FGF1: variants seen among roughly 807,000 people sequenced by gnomAD.
FGF1 encodes fibroblast growth factor 1, also known as beta-endothelial cell growth factor.
In FGF1, 9 loss-of-function variants were observed where a neutral mutation model predicts 13.4. The observed-to-expected ratio is 0.67, with a 90% confidence interval of 0.40 to 1.17. FGF1 has a LOEUF of 1.17. Ranked by LOEUF, FGF1 falls within the 50% of genes most tolerant of loss-of-function variation. FGF1 has a pLI of 0.01. For synonymous variants in FGF1, 93 were observed against 79.0 expected, an observed-to-expected ratio of 1.18 and a Z score of -0.94; for missense variants, 156 against 192.7, an observed-to-expected ratio of 0.81 and a Z score of 1.13.
chr5:142,668,098 G>A (rs1301408975), intron 1 of FGF1, among the ~76,000 whole-genome samples: 1 of 152,258 alleles, frequency 6.6e-6, no homozygotes, highest in Non-Finnish European at 1.5e-5. Flanking sequence ...GTTCAGTCCA[G>A]TGAGGGAGGG....
intron 1 of FGF1, among the ~76,000 whole-genome samples, chr5:142,683,551 G>A (rs1356038018): frequency 6.6e-6 from 1 of 152,100 alleles, no homozygotes; most frequent in East Asian, 1.9e-4. Context: ...ATTAGGCCAG[G>A]TGCAGTGGCT....
intron 1 of FGF1, among the ~76,000 whole-genome samples, chr5:142,626,576 C>T (rs961521697): frequency 1.2e-4 from 18 of 152,272 alleles, no homozygotes; most frequent in African/African-American, 4.3e-4. Flanking sequence ...TCTACCAGCC[C>T]CCGGAACGTG....
chr5:142,688,366 A>G (rs148129213), upstream of FGF1, among the ~76,000 whole-genome samples: 122 of 152,328 alleles, frequency 8.0e-4, 1 homozygote, highest in African/African-American at 2.6e-3. Flanking sequence ...GATTTTTCCC[A>G]GTCTGGAGAC....
intron 2 of FGF1, among the ~76,000 whole-genome samples, chr5:142,606,734 G>A (rs1240332065): frequency 6.6e-6 from 1 of 152,166 alleles, no homozygotes; most frequent in Non-Finnish European, 1.5e-5. Flanking sequence ...AGCTGCTTTG[G>A]GAAGGATAAG....
intron 2 of FGF1, among the ~76,000 whole-genome samples, chr5:142,694,139 G>A (rs1449111257): frequency 1.4e-5 from 2 of 142,242 alleles, no homozygotes; most frequent in East Asian, 4.1e-4. Flanking sequence ...ATCTATCTAT[G>A]TCTATCTGCC....
chr5:142,606,064 C>T (rs10042957), intron 2 of FGF1, among the ~76,000 whole-genome samples: 12,159 of 152,058 alleles, frequency 0.08, 825 homozygotes, highest in East Asian at 0.18. Flanking sequence ...TTACGCTCAG[C>T]GCCAGCCATG....
Position 142,676,196 on chromosome 5 carries a change from G to T in FGF1, c.-35+9761C>A, listed in dbSNP as rs543607839. Among the ~76,000 whole-genome samples the T allele has an allele frequency of 5.9e-5, 9 of 152,200 alleles. No homozygotes were observed. The South Asian group carries it at 1.9e-3, about 32-fold the overall frequency. ...CCTGCATGTCCTAGTACCATTTTTT[G>T]AATTCAAGTACATTCTCATGAAGAC... On this transcript the variant is annotated intron_variant, in intron 1 of 3. Transcript: ENST00000337706.
intron 1 of FGF1, among the ~76,000 whole-genome samples, chr5:142,676,831 C>T (rs1772705194): frequency 6.6e-6 from 1 of 152,126 alleles, no homozygotes; most frequent in Admixed American, 6.5e-5. Context: ...AAATAACTCT[C>T]AATTGAAAGA....
chr5:142,689,050 A>C (rs537805075), upstream of FGF1, among the ~76,000 whole-genome samples: 1 of 152,286 alleles, frequency 6.6e-6, no homozygotes, highest in South Asian at 2.1e-4. Flanking sequence ...CCCCCAATAT[A>C]TACATTTTTT....
intron 1 of FGF1, among the ~76,000 whole-genome samples, chr5:142,650,134 T>G (rs1368374165): frequency 2.0e-5 from 3 of 152,164 alleles, no homozygotes; most frequent in Non-Finnish European, 2.9e-5. Context: ...AGGCACTGGA[T>G]AGACAGATGT....
At chr5:142,661,617 C>A (rs1428449121) in intron 1 of FGF1, among the ~76,000 whole-genome samples, 1 of 152,106 alleles carries the variant, frequency 6.6e-6, no homozygotes, top group Non-Finnish European at 1.5e-5. Flanking sequence ...CATATCCATG[C>A]AAAACATTCA....
At chr5:142,674,612 G>A (rs1161738662) in intron 1 of FGF1, among the ~76,000 whole-genome samples, 1 of 152,182 alleles carries the variant, frequency 6.6e-6, no homozygotes, top group Non-Finnish European at 1.5e-5. Context: ...TGTGGGACCG[G>A]CCAGGAAGCA....
chr5:142,624,661 A>G (rs1561591092), intron 1 of FGF1, among the ~76,000 whole-genome samples: 1 of 152,226 alleles, frequency 6.6e-6, no homozygotes, highest in East Asian at 1.9e-4. Context: ...CTAGAATCAA[A>G]TATTATTTGA....
chr5:142,690,264 G>A (rs1751972759), upstream of FGF1, among the ~76,000 whole-genome samples: 1 of 150,976 alleles, frequency 6.6e-6, no homozygotes, highest in Non-Finnish European at 1.5e-5. Flanking sequence ...CGGCGAACCC[G>A]GGAGGCGGAG....
At chr5:142,663,055 C>T (rs1769572997) in intron 1 of FGF1, among the ~76,000 whole-genome samples, 1 of 152,078 alleles carries the variant, frequency 6.6e-6, no homozygotes, top group African/African-American at 2.4e-5. Context: ...AACTCCTGGG[C>T]TTAAACAATC....
chr5:142,602,863 T>C (rs977349533), intron 2 of FGF1, among the ~76,000 whole-genome samples: 1 of 152,190 alleles, frequency 6.6e-6, no homozygotes, highest in African/African-American at 2.4e-5. Flanking sequence ...TATGCCTGTA[T>C]TTTCTTATTT....
rs576215945 is a variant in FGF1, at chr5:142,675,844, T to C, written c.-35+10113A>G. On this transcript the variant is annotated intron_variant, in intron 1 of 3. Coordinates refer to ENST00000337706, the MANE Select transcript of FGF1 (RefSeq NM_000800.5). Reference sequence around the variant, plus strand: ...ACTCAAAGCTCAGTGCCAGGGGACATTGAGCAGAATTTTCAAAACGTACAT... The same window carrying C: ...ACTCAAAGCTCAGTGCCAGGGGACACTGAGCAGAATTTTCAAAACGTACAT... 6.6e-5 allele frequency among the ~76,000 whole-genome samples: 10 copies of C among 152,284 alleles called. No homozygotes were observed. The South Asian group carries it at 2.1e-3, about 32-fold the overall frequency.
intron 3 of FGF1, among the ~76,000 whole-genome samples, chr5:142,595,938 G>C (rs1755154549): frequency 6.6e-6 from 1 of 152,088 alleles, no homozygotes; most frequent in East Asian, 1.9e-4. Context: ...TGATGTAGTG[G>C]GTTGTTGTTG....
intron 1 of FGF1, among the ~76,000 whole-genome samples, chr5:142,684,197 G>T (rs190193036): frequency 6.6e-6 from 1 of 152,288 alleles, no homozygotes; most frequent in East Asian, 1.9e-4. Flanking sequence ...TAAGTGAGTG[G>T]CTGCACTGTC....
Sources: gnomAD v4.1 joint callset for allele counts (sites outside exome capture counted in the v4.1 genomes callset) on GRCh38, gnomAD v4.1.1 for gene constraint, MANE v1.5 for transcripts, NCBI Gene and HGNC (gene_info 2026-07-23, HGNC 2026-07-21) for gene names.